The following CACNB4 variants were observed in gnomAD, a reference collection of about 807,000 sequenced individuals.
CACNB4 encodes the protein voltage-dependent L-type calcium channel subunit beta-4.
In CACNB4, 32 loss-of-function variants were observed where a neutral mutation model predicts 71.2. The ratio of observed to expected loss-of-function variants is 0.45; its 90% CI spans 0.34 to 0.60. CACNB4 has a LOEUF of 0.60. CACNB4 is among the 20% of genes least tolerant of loss of function. The pLI, the probability that CACNB4 is intolerant of heterozygous loss-of-function variation, is 0.01. For missense variants in CACNB4, 464 were observed against 647.9 expected (o/e 0.72, Z 3.08); for synonymous variants, 231 against 236.9 (o/e 0.97, Z 0.23).
Position 151,853,475 on chromosome 2 carries a change from TGC to T in CACNB4, c.1087_1088del (p.Ala363SerfsTer2). ...GGGGGCATTGTGCAAGTTTATCAGC[TGC>T]CACCAGTTGAACATTCAAGTGTTTA... ...QSKHLNVQLV[A>X]ADKLAQCPPE... is the part of the protein sequence containing the mutation. On this transcript the variant is annotated frameshift_variant, in exon 12 of 14. Coordinates refer to ENST00000539935, the MANE Select transcript of CACNB4 (RefSeq NM_000726.5). LOFTEE classifies it high-confidence loss of function. 6.3e-7 allele frequency: 1 copy of T among 1,598,638 alleles called. No homozygotes were observed. The highest frequency in any genetic ancestry group is 1.3e-5 in the African/African-American group (1 of 74,404).
At chr2:151,940,661 G>A (rs2099864005) in intron 2 of CACNB4, among the ~76,000 whole-genome samples, 1 of 152,096 alleles carries the variant, frequency 6.6e-6, no homozygotes, top group Admixed American at 6.6e-5. Context: ...ATAAAATGGG[G>A]GTAATCTTTG....
intron 2 of CACNB4, among the ~76,000 whole-genome samples, chr2:152,017,629 A>G (rs1683419431): frequency 6.6e-6 from 1 of 151,632 alleles, no homozygotes; most frequent in South Asian, 2.1e-4. Flanking sequence ...AATCACTTGA[A>G]CCCAGGAGGC....
chr2:152,083,174 C>G (rs1410228851), intron 2 of CACNB4, among the ~76,000 whole-genome samples: 1 of 152,056 alleles, frequency 6.6e-6, no homozygotes, highest in Non-Finnish European at 1.5e-5. Flanking sequence ...GTTTATGAGC[C>G]ATTTCAGTTC....
At chr2:151,983,346 C>T (rs1004422827) in intron 2 of CACNB4, among the ~76,000 whole-genome samples, 3 of 152,140 alleles carry the variant, frequency 2.0e-5, no homozygotes, top group African/African-American at 2.4e-5. Context: ...TCTCTTAGTT[C>T]TCAGTCTGAT....
intron 2 of CACNB4, among the ~76,000 whole-genome samples, chr2:152,088,589 A>T (rs180956049): frequency 6.6e-6 from 1 of 152,384 alleles, no homozygotes; most frequent in East Asian, 1.9e-4. Context: ...TTGGAGAAAG[A>T]TACATCCATC....
At chr2:151,971,241 G>A (rs1323209330) in intron 2 of CACNB4, 5 of 501,238 alleles carry the variant, frequency 1.0e-5, no homozygotes, top group Non-Finnish European at 1.8e-5. Flanking sequence ...ACTCTTATTC[G>A]GAATAAAATT....
At position 152,098,677 on chromosome 2, in the gene CACNB4, C is replaced by G; in HGVS notation, c.64-264G>C. On this transcript the variant is annotated intron_variant, in intron 1 of 13. Coordinates refer to ENST00000539935, the MANE Select transcript of CACNB4 (RefSeq NM_000726.5). The surrounding 1 kb of genome is among the most constrained non-coding windows in gnomAD (Gnocchi z 5.3). ...ACAAAGACTCTCAGGGTGCGGGGTCCGAGTCCCCGGCATCCGCTGGGGGAG... is the reference window on the plus strand; with the variant it reads ...ACAAAGACTCTCAGGGTGCGGGGTCGGAGTCCCCGGCATCCGCTGGGGGAG... The G allele has an allele frequency of 6.4e-7, 1 of 1,567,290 alleles. No individual in the cohort carries two copies. Among genetic ancestry groups the G allele is most frequent in the Non-Finnish European group, 8.6e-7 (1 of 1,156,138 alleles).
At chr2:152,072,727 G>A (rs1686767291) in intron 2 of CACNB4, among the ~76,000 whole-genome samples, 1 of 151,030 alleles carries the variant, frequency 6.6e-6, no homozygotes, top group South Asian at 2.1e-4. Flanking sequence ...TGCAAGCTCC[G>A]CCTCCCGGTT....
At chr2:151,877,627 T>C (rs562120122) in intron 4 of CACNB4, among the ~76,000 whole-genome samples, 8 of 152,250 alleles carry the variant, frequency 5.3e-5, no homozygotes, top group Admixed American at 1.3e-4. Context: ...GGAAGAGTCA[T>C]GATCTTTCAA....
intron 2 of CACNB4, among the ~76,000 whole-genome samples, chr2:151,905,461 T>C (rs934000289): frequency 7.2e-5 from 11 of 152,212 alleles, no homozygotes; most frequent in African/African-American, 2.4e-4. Context: ...ACGAGATAAT[T>C]TGATTGTCAA....
chr2:151,988,144 G>C (rs1049972285), intron 2 of CACNB4, among the ~76,000 whole-genome samples: 2 of 152,152 alleles, frequency 1.3e-5, no homozygotes, highest in Non-Finnish European at 2.9e-5. Context: ...CAAGTGATTA[G>C]CTGTAAATTA....
intron 2 of CACNB4, among the ~76,000 whole-genome samples, chr2:151,996,338 A>G (rs1360498633): frequency 6.6e-6 from 1 of 152,126 alleles, no homozygotes; most frequent in Non-Finnish European, 1.5e-5. Flanking sequence ...CTGCTTAGAC[A>G]ACCAAAGATT....
At position 152,032,637 on chromosome 2, in the gene CACNB4, A is replaced by G. The variant is rs74265950; in HGVS notation, c.147+65693T>C. Among the ~76,000 whole-genome samples, 141 of 152,338 alleles carry G rather than the reference A, an allele frequency of 9.3e-4. 3 individuals are homozygous for G. The East Asian group carries it at 0.024, about 25-fold the overall frequency. On this transcript the variant is annotated intron_variant, in intron 2 of 13. Transcript: ENST00000539935. ...CTTAATGCATTTTCTCTCTCCAAAGAAAGTCTCAATATACTTTATATGTTT... is the reference window on the plus strand; with the variant it reads ...CTTAATGCATTTTCTCTCTCCAAAGGAAGTCTCAATATACTTTATATGTTT...
chr2:151,993,144 G>GT (rs751400236), intron 2 of CACNB4, among the ~76,000 whole-genome samples: 3 of 97,874 alleles, frequency 3.1e-5, no homozygotes, highest in African/African-American at 9.3e-5. Flanking sequence ...AGTAAGCCAC[G>GT]TTTTTTGTTT....
intron 2 of CACNB4, among the ~76,000 whole-genome samples, chr2:152,005,492 T>C (rs1682670562): frequency 6.6e-6 from 1 of 151,946 alleles, no homozygotes; most frequent in Non-Finnish European, 1.5e-5. Context: ...GACATAAAGA[T>C]GGGAACAAGA....
intron 2 of CACNB4, among the ~76,000 whole-genome samples, chr2:152,050,801 CTT>C (rs1054499309): frequency 3.3e-4 from 50 of 152,104 alleles, no homozygotes; most frequent in African/African-American, 1.2e-3. Flanking sequence ...CAGGGTCTCA[CTT>C]TGTCACCCAG....
At chr2:151,970,770 A>G (rs62176795) in intron 2 of CACNB4, 3,617 of 152,352 alleles carry the variant, frequency 0.024, 51 homozygotes, top group Middle Eastern at 0.034. Flanking sequence ...ATCTATGTCA[A>G]GGTAATACAA....
rs529714179 is a variant in CACNB4, at chr2:152,092,897, T to C, written c.147+5433A>G. Among the ~76,000 whole-genome samples, 7 of 152,108 alleles carry C rather than the reference T, an allele frequency of 4.6e-5. No homozygotes were observed. In the East Asian group the frequency reaches 1.4e-3, roughly 29 times the overall value. ...CTAAGATGAAGTCTAATTTGTAAAT[T>C]AGGCACAGTAAGAGATTAATAACAA... On this transcript the variant is annotated intron_variant, in intron 2 of 13. Coordinates refer to ENST00000539935, the MANE Select transcript of CACNB4 (RefSeq NM_000726.5).
chr2:151,878,538 C>A, intron 4 of CACNB4, among the ~76,000 whole-genome samples: 1 of 142,942 alleles, frequency 7.0e-6, no homozygotes, highest in South Asian at 2.2e-4. Context: ...GGTAACATAG[C>A]AAGACCCTGT....
Sources: gnomAD v4.1 joint callset for allele counts (sites outside exome capture counted in the v4.1 genomes callset) on GRCh38, gnomAD v4.1.1 for gene constraint, Gnocchi (gnomAD v3.1) non-coding constraint, MANE v1.5 for transcripts, NCBI Gene and HGNC (gene_info 2026-07-23, HGNC 2026-07-21) for gene names.